KRT76: variants seen among roughly 807,000 people sequenced by gnomAD.
KRT76 encodes the protein keratin, type II cytoskeletal 2 oral.
A neutral mutation model predicts 44.9 loss-of-function variants in KRT76; 47 were observed. The observed-to-expected ratio is 1.05, with a 90% CI of 0.83 to 1.33. The LOEUF (loss-of-function observed/expected upper bound fraction) is 1.33. KRT76 is among the 40% of genes most tolerant of loss of function. The pLI is 0.00. For missense variants in KRT76, 860 were observed against 775.8 expected (o/e 1.11, Z -1.29); for synonymous variants, 331 against 294.1 (o/e 1.13, Z -1.28).
intron 6 of KRT76, among the ~76,000 whole-genome samples, chr12:52,771,496 G>A (rs1404544709): frequency 6.6e-6 from 1 of 152,030 alleles, no homozygotes; most frequent in African/African-American, 2.4e-5. Flanking sequence ...TTTTTTGCAA[G>A]ACTGTTAAAA....
intron 4 of KRT76, 39 bp downstream of exon 4, chr12:52,772,744 A>C: frequency 7.1e-7 from 1 of 1,406,400 alleles, no homozygotes; most frequent in South Asian, 1.1e-5. Context: ...GGGAAGAATC[A>C]GACAGGAAGG....
Position 52,768,566 on chromosome 12 carries a change from A to C in KRT76, c.*147T>G. 1.1e-6 allele frequency: 1 copy of C among 914,134 alleles called. No individual in the cohort carries two copies. Among genetic ancestry groups the C allele is most frequent in the Non-Finnish European group, 1.7e-6 (1 of 602,264 alleles). 56.6% of individuals were successfully genotyped at this position (914,134 alleles called of 1,614,324 possible). A position where few individuals can be genotyped will look rare whatever the true frequency, so the allele number is the denominator to read the frequency against. On this transcript the variant is annotated 3_prime_UTR_variant, in exon 9 of 9. Coordinates refer to ENST00000332411, the MANE Select transcript of KRT76 (RefSeq NM_015848.4). ...GGCCCTGGGAAGGTCATGGGGATGG[A>C]GAAACCAGGAGTTCAGCTTCTTCTC...
chr12:52,774,817 G>C (rs898173048), intron 2 of KRT76, among the ~76,000 whole-genome samples: 1 of 152,206 alleles, frequency 6.6e-6, no homozygotes, highest in Non-Finnish European at 1.5e-5. Context: ...CTCCCACCTT[G>C]AGAGGCCCAG....
chr12:52,768,793 A>G lies in KRT76; in HGVS notation c.1837T>C (p.Tyr613His). ...GSIQTSGGSG[Y>H]KSGGGGSTSI... is the part of the protein sequence containing the mutation. ...GTGCTGCCTCCACCACCAGACTTGT[A>G]GCCACTTCCTCCAGAAGTCTGGATG... Residue 613 changes from tyrosine (Y) to histidine (H), a missense_variant, in exon 9 of 9, where the codon TAC becomes CAC. Coordinates refer to ENST00000332411, the MANE Select transcript of KRT76 (RefSeq NM_015848.4). 6.2e-7 allele frequency: 1 copy of G among 1,613,782 alleles called. No homozygotes were observed. The highest frequency in any genetic ancestry group is 8.5e-7 in the Non-Finnish European group (1 of 1,179,766).
In KRT76 at chr12:52,770,983, T is replaced by G. The variant is rs192451137; in HGVS notation, c.1484+16A>C. ...TAAAACCATATCTGGAGAATGGTGA[T>G]CCCATGGCCCCTCACCTGCACTCCT... On this transcript the variant is annotated intron_variant, in intron 7 of 8. Transcript: ENST00000332411. The G allele has an allele frequency of 2.7e-5, 43 of 1,613,912 alleles. No homozygotes were observed. The Admixed American group carries it at 6.3e-4, about 24-fold the overall frequency.
Position 52,768,859 on chromosome 12 carries a change from T to C in KRT76, c.1771A>G (p.Ile591Val), listed in dbSNP as rs368930445. The change falls in exon 9 of 9, where the codon ATC (isoleucine) becomes GTC (valine). Residue 591 changes from isoleucine to valine, a missense_variant. Physicochemically the swap from Ile to Val is conservative, Grantham distance 29 (BLOSUM62 3). Coordinates refer to ENST00000332411, the MANE Select transcript of KRT76 (RefSeq NM_015848.4). ...SGSRLGGAGS[I>V]SVSHSGMGSS... ...CCCATTCCACTGTGGCTCACGGAGA[T>C]GCTACCTGCACCGCCGAGCCTGCTC... The C allele has an allele frequency of 5.6e-6, 9 of 1,613,726 alleles. No homozygotes were observed. In the African/African-American group the frequency reaches 1.1e-4, roughly 19 times the overall value.
Position 52,777,052 on chromosome 12 carries a change from G to T in KRT76, c.240C>A (p.Gly80=). Residue 80 remains glycine, a synonymous_variant, in exon 1 of 9, where the codon GGC becomes GGA. Coordinates refer to ENST00000332411, the MANE Select transcript of KRT76 (RefSeq NM_015848.4). ...CACAGCTGCTCCGCCCTCCCCCAAAGCCTCCAGCCCGGGAGCTGCCAGCTG... is the reference window on the plus strand; with the variant it reads ...CACAGCTGCTCCGCCCTCCCCCAAATCCTCCAGCCCGGGAGCTGCCAGCTG... The part of the protein sequence containing the change: ...SVAAGSSRAG[G]FGGGRSSCGF... 1 of 1,614,084 alleles carries T rather than the reference G, an allele frequency of 6.2e-7. No individual in the cohort carries two copies. Among genetic ancestry groups the T allele is most frequent in the South Asian group, 1.1e-5 (1 of 91,076 alleles).
At position 52,770,876 on chromosome 12, in the gene KRT76, C is replaced by G. The variant is rs945346106; in HGVS notation, c.1484+123G>C. The G allele has an allele frequency of 3.9e-6, 5 of 1,268,246 alleles. No individual in the cohort carries two copies. In the Admixed American group the frequency reaches 9.8e-5, roughly 25 times the overall value. The allele number at this position is 1,268,246 out of a possible 1,614,324, so 78.6% of individuals were successfully genotyped here. On this transcript the variant is annotated intron_variant, in intron 7 of 8. Transcript: ENST00000332411. ...GTGGGGCTTGAACCCTTGACTCTGT[C>G]ATTCAAGACACTCCTTGCCCTTTGT...
At position 52,769,538 on chromosome 12, in the gene KRT76, G is replaced by A; in HGVS notation, c.1519+11C>T. On this transcript the variant is annotated intron_variant, in intron 8 of 8. Transcript: ENST00000332411. Reference sequence around the variant, plus strand: ...AACCCAGGGAGAGGGTTTTTTGAATGGGCTACTTACAAATGCACACGGCAC... The same window carrying A: ...AACCCAGGGAGAGGGTTTTTTGAATAGGCTACTTACAAATGCACACGGCAC... The A allele has an allele frequency of 1.2e-6, 2 of 1,612,194 alleles. No individual in the cohort carries two copies. Among genetic ancestry groups the A allele is most frequent in the Non-Finnish European group, 1.7e-6 (2 of 1,178,302 alleles).
In KRT76 at chr12:52,776,819, A is replaced by T; in HGVS notation, c.473T>A (p.Val158Glu). 6.2e-7 allele frequency: 1 copy of T among 1,613,976 alleles called. No homozygotes were observed. The highest frequency in any genetic ancestry group is 8.5e-7 in the Non-Finnish European group (1 of 1,179,984). ...PGGFPGGIQEVIVNQSLLQPL... is the reference protein window; with the variant it reads ...PGGFPGGIQEEIVNQSLLQPL... Reference sequence around the variant, plus strand: ...CTGCAGGAGACTCTGGTTTACAATCACTTCCTGAATTCCCCCAGGAAAGCC... The same window carrying T: ...CTGCAGGAGACTCTGGTTTACAATCTCTTCCTGAATTCCCCCAGGAAAGCC... The change falls in exon 1 of 9, where the codon GTG becomes GAG. Residue 158 changes from valine (V) to glutamate (E), a missense_variant. By Grantham distance (121) the Val-to-Glu change is moderately radical. Coordinates refer to ENST00000332411, the MANE Select transcript of KRT76 (RefSeq NM_015848.4).
Position 52,771,914 on chromosome 12 carries a change from A to T in KRT76, c.1220T>A (p.Met407Lys). Reference protein sequence around the residue: ...TKSEIMELNRMIQRLRAEIEN... With the variant: ...TKSEIMELNRKIQRLRAEIEN... ...AATCTCAGCCCGTAGCCTCTGGATC[A>T]TCCTGTTGAGCTCCATGATCTCACT... Residue 407 changes from methionine to lysine, a missense_variant, in exon 6 of 9, where the codon ATG becomes AAG. Physicochemically the swap from Met to Lys is moderately conservative, Grantham distance 95. Coordinates refer to ENST00000332411, the MANE Select transcript of KRT76 (RefSeq NM_015848.4). 1 of 1,614,160 alleles carries T rather than the reference A, an allele frequency of 6.2e-7. No individual in the cohort carries two copies. The highest frequency in any genetic ancestry group is 8.5e-7 in the Non-Finnish European group (1 of 1,180,020).
intron 2 of KRT76, among the ~76,000 whole-genome samples, chr12:52,774,004 T>A (rs1472306417): frequency 6.6e-6 from 1 of 152,092 alleles, no homozygotes; most frequent in African/African-American, 2.4e-5. Flanking sequence ...GCCAATTTTT[T>A]AATTTTTAGT....
At chr12:52,769,512 C>T (rs757635116) in intron 8 of KRT76, 37 bp downstream of exon 8, 10 of 1,594,432 alleles carry the variant, frequency 6.3e-6, no homozygotes, top group Non-Finnish European at 8.6e-6. Context: ...TGCCCTTTTA[C>T]AACCCAGGGA....
intron 4 of KRT76, 136 bp from the exon 5 acceptor site, chr12:52,772,394 G>A (rs1336076136): frequency 1.3e-6 from 1 of 792,474 alleles, no homozygotes. Context: ...TTTAGGCCTG[G>A]CTACAGCCTA....
Position 52,768,799 on chromosome 12 carries a change from T to C in KRT76, c.1831A>G (p.Ser611Gly). 6.2e-7 allele frequency: 1 copy of C among 1,613,860 alleles called. No homozygotes were observed. The highest frequency in any genetic ancestry group is 8.5e-7 in the Non-Finnish European group (1 of 1,179,802). Residue 611 changes from serine to glycine, a missense_variant, in exon 9 of 9, where the codon AGT becomes GGT. Coordinates refer to ENST00000332411, the MANE Select transcript of KRT76 (RefSeq NM_015848.4). The stretch of plus-strand genomic sequence containing the variant: ...CCTCCACCACCAGACTTGTAGCCAC[T>C]TCCTCCAGAAGTCTGGATGCTGCCA... ...SSGSIQTSGG[S>G]GYKSGGGGST...
Position 52,776,913 on chromosome 12 carries a change from C to T in KRT76, c.379G>A (p.Gly127Ser). 6.2e-7 allele frequency: 1 copy of T among 1,612,942 alleles called. No homozygotes were observed. Among genetic ancestry groups the T allele is most frequent in the Non-Finnish European group, 8.5e-7 (1 of 1,179,372 alleles). The stretch of plus-strand genomic sequence containing the variant: ...CCAAATACACCAGGACCACCAAAGC[C>T]ACCAGCTCCACCAAAGCCACCAGCC... ...GGAGGFGGAG[G>S]FGGPGVFGGP... Residue 127 changes from glycine to serine, a missense_variant, in exon 1 of 9, where the codon GGC (glycine) becomes AGC (serine). By Grantham distance (56) the Gly-to-Ser change is moderately conservative. Coordinates refer to ENST00000332411, the MANE Select transcript of KRT76 (RefSeq NM_015848.4).
In KRT76 at chr12:52,772,634, G is replaced by A. The variant is rs572909377; in HGVS notation, c.972+149C>T. 4.4e-6 allele frequency: 3 copies of A among 688,776 alleles called. No individual in the cohort carries two copies. The South Asian group carries it at 5.0e-5, about 12-fold the overall frequency. The allele number at this position is 688,776 out of a possible 1,614,324, so 42.7% of individuals were successfully genotyped here. A position where few individuals can be genotyped will look rare whatever the true frequency, so the allele number is the denominator to read the frequency against. On this transcript the variant is annotated intron_variant, in intron 4 of 8. Coordinates refer to ENST00000332411, the MANE Select transcript of KRT76 (RefSeq NM_015848.4). ...GGCCAGGTCTATGCAGACTGAAGAA[G>A]CTCAGTTAACATTTCCCAGGTGGGG...
chr12:52,771,888 C>T lies in KRT76; in HGVS notation c.1246G>A (p.Glu416Lys), dbSNP rs550966946. 347 of 1,613,796 alleles carry T rather than the reference C, an allele frequency of 2.2e-4. 1 individual carries two copies. In the South Asian group the frequency reaches 3.5e-3, roughly 16 times the overall value. The change falls in exon 6 of 9, where the codon GAA becomes AAA. Residue 416 changes from glutamate (E) to lysine (K), a missense_variant. Physicochemically the swap from Glu to Lys is moderately conservative, Grantham distance 56 (BLOSUM62 1). Coordinates refer to ENST00000332411, the MANE Select transcript of KRT76 (RefSeq NM_015848.4). ...RMIQRLRAEI[E>K]NVKKQNANLQ... ...AGCCCCACCTGCTTCTTGACATTTT[C>T]AATCTCAGCCCGTAGCCTCTGGATC...
intron 4 of KRT76, 41 bp downstream of exon 4, chr12:52,772,742 T>A: frequency 7.2e-7 from 1 of 1,392,138 alleles, no homozygotes; most frequent in Non-Finnish European, 1.0e-6. Context: ...TTGGGAAGAA[T>A]CAGACAGGAA....
Sources: allele counts gnomAD v4.1 joint callset (sites outside exome capture counted in the v4.1 genomes callset), GRCh38; gene constraint gnomAD v4.1.1; transcripts MANE v1.5; gene names NCBI Gene and HGNC (gene_info 2026-07-23, HGNC 2026-07-21).